ERCC1: variants seen among roughly 807,000 people sequenced by gnomAD.
ERCC1 encodes the protein ERCC excision repair 1, endonuclease non-catalytic subunit.
ERCC1 carries 36 observed loss-of-function variants against 37.6 expected under a neutral mutation model. That is an observed-to-expected ratio of 0.96 (90% CI 0.73 to 1.26). ERCC1 has a LOEUF of 1.26. Ranked by LOEUF, ERCC1 falls within the 50% of genes most tolerant of loss-of-function variation. The pLI, the probability that ERCC1 is intolerant of heterozygous loss-of-function variation, is 0.00. For missense variants in ERCC1, 349 were observed against 376.5 expected, an observed-to-expected ratio of 0.93 and a Z score of 0.60; for synonymous variants, 156 against 162.1, an observed-to-expected ratio of 0.96 and a Z score of 0.28.
In ERCC1 at chr19:45,411,525, G is replaced by A. The variant is rs114858980; in HGVS notation, c.844-1800C>T. ...AAGCCATTTTAAGGCCGGGCACCAT[G>A]GCTCACACCTGTAATCCCGGCACTT... is the stretch of plus-strand genomic sequence containing the variant. On this transcript the variant is annotated intron_variant, in intron 9 of 9. Coordinates refer to ENST00000300853, the MANE Select transcript of ERCC1 (RefSeq NM_001983.4). Among the ~76,000 whole-genome samples the A allele has an allele frequency of 7.4e-3, 1,130 of 152,178 alleles. 9 individuals are homozygous for A. Among genetic ancestry groups the A allele is most frequent in the African/African-American group, 0.026 (1,069 of 41,528 alleles).
chr19:45,442,234 C>T (rs1299946219), intron 1 of ERCC1, among the ~76,000 whole-genome samples: 8 of 149,508 alleles, frequency 5.4e-5, no homozygotes, highest in Non-Finnish European at 8.9e-5. Context: ...GTGGGAGGAT[C>T]GGTTGAGCCC....
intron 1 of ERCC1, among the ~76,000 whole-genome samples, chr19:45,434,711 G>A (rs373849786): frequency 6.6e-6 from 1 of 151,868 alleles, no homozygotes; most frequent in Admixed American, 6.6e-5. Context: ...TCAGCCTCCC[G>A]AGCAGCTGGG....
At chr19:45,421,068 TG>T in intron 3 of ERCC1, 109 bp downstream of exon 3, 1 of 867,236 alleles carries the variant, frequency 1.2e-6, no homozygotes, top group Non-Finnish European at 1.9e-6. Flanking sequence ...AATGAATGAA[TG>T]GGGAGAACAA....
At chr19:45,450,381 A>G (rs1244267464) in intron 1 of ERCC1, among the ~76,000 whole-genome samples, 1 of 152,236 alleles carries the variant, frequency 6.6e-6, no homozygotes, top group Non-Finnish European at 1.5e-5. Flanking sequence ...TTCATGAGCC[A>G]GGGAAGGAAC....
chr19:45,414,715 C>G lies in ERCC1; in HGVS notation c.702+146G>C. ...AGCAGCAGATTTGTGCTCAGGAAAA[C>G]CCCTCTAGCTGCAGTTTCGGTGGGA... is the stretch of plus-strand genomic sequence containing the variant. On this transcript the variant is annotated intron_variant, in intron 7 of 9. Coordinates refer to ENST00000300853, the MANE Select transcript of ERCC1 (RefSeq NM_001983.4). 5 of 651,822 alleles carry G rather than the reference C, an allele frequency of 7.7e-6. No individual in the cohort carries two copies. In the Admixed American group the frequency reaches 1.1e-4, roughly 14 times the overall value. The allele number at this position is 651,822 out of a possible 1,614,324, so 40.4% of individuals were successfully genotyped here. A position where few individuals can be genotyped will look rare whatever the true frequency, so the allele number is the denominator to read the frequency against.
chr19:45,433,081 A>AAAAT (rs1430257246), intron 1 of ERCC1, among the ~76,000 whole-genome samples: 1 of 151,596 alleles, frequency 6.6e-6, no homozygotes, highest in Non-Finnish European at 1.5e-5. Context: ...ACTCTGTCTC[A>AAAAT]AAATAAATAA....
chr19:45,445,381 G>A (rs1966912067), intron 1 of ERCC1, among the ~76,000 whole-genome samples: 2 of 152,282 alleles, frequency 1.3e-5, no homozygotes, highest in East Asian at 1.9e-4. Flanking sequence ...TGAGAATGCA[G>A]TATTGAACAA....
At chr19:45,417,089 T>A (rs1298461556) in intron 5 of ERCC1, among the ~76,000 whole-genome samples, 192 bp from the exon 6 acceptor site, 3 of 151,214 alleles carry the variant, frequency 2.0e-5, no homozygotes, top group South Asian at 2.1e-4. Context: ...AGGGTGAGAC[T>A]CTGTCTCAAA....
chr19:45,423,002 GA>G (rs1279433756), intron 2 of ERCC1, among the ~76,000 whole-genome samples: 1 of 152,126 alleles, frequency 6.6e-6, no homozygotes, highest in Non-Finnish European at 1.5e-5. Flanking sequence ...TTCATGTCTT[GA>G]AAAATCAGGG....
chr19:45,413,531 C>T lies in ERCC1; in HGVS notation c.843+146G>A. The stretch of plus-strand genomic sequence containing the variant: ...CCTCAAGCAGTCCTCCCGCCTTGGC[C>T]TCCCAAAATGTTGGGATTACAGGCG... On this transcript the variant is annotated intron_variant, in intron 9 of 9. Coordinates refer to ENST00000300853, the MANE Select transcript of ERCC1 (RefSeq NM_001983.4). The T allele has an allele frequency of 1.9e-6, 3 of 1,586,554 alleles. No individual in the cohort carries two copies. The South Asian group carries it at 3.3e-5, about 18-fold the overall frequency.
intron 4 of ERCC1, 200 bp from the exon 5 acceptor site, chr19:45,419,397 A>G: frequency 1.7e-6 from 1 of 580,842 alleles, no homozygotes; most frequent in Non-Finnish European, 3.1e-6. Flanking sequence ...CCAGGGCCAC[A>G]TGGCTGTGCT....
chr19:45,417,675 T>C (rs1974146783), intron 5 of ERCC1, among the ~76,000 whole-genome samples: 1 of 151,866 alleles, frequency 6.6e-6, no homozygotes, highest in African/African-American at 2.4e-5. Flanking sequence ...TCTCCTAGGG[T>C]GCTTAGGAGC....
intron 6 of ERCC1, among the ~76,000 whole-genome samples, chr19:45,415,337 G>GA (rs34174936): frequency 0.3 from 20,001 of 67,278 alleles, 2,599 homozygotes; most frequent in East Asian, 0.49. Flanking sequence ...CTCCATTTCA[G>GA]AAAAAAAAAA....
At chr19:45,414,253 A>G (rs1973913515) in intron 7 of ERCC1, 1 of 595,898 alleles carries the variant, frequency 1.7e-6, no homozygotes, top group East Asian at 2.9e-5. Flanking sequence ...AGGCGGGAGG[A>G]TCACCTGAGG....
intron 1 of ERCC1, among the ~76,000 whole-genome samples, chr19:45,438,026 GC>G (rs1392921363): frequency 6.6e-6 from 1 of 151,522 alleles, no homozygotes; most frequent in Non-Finnish European, 1.5e-5. Flanking sequence ...TCCTGCCTCC[GC>G]CTCCCGAGTA....
At chr19:45,413,168 A>G (rs1189678549) in intron 9 of ERCC1, among the ~76,000 whole-genome samples, 2 of 152,214 alleles carry the variant, frequency 1.3e-5, no homozygotes, top group Non-Finnish European at 2.9e-5. Context: ...GTTTTCTTGT[A>G]GACGTTTCAT....
chr19:45,425,618 C>A (rs1439815242), upstream of ERCC1, among the ~76,000 whole-genome samples: 1 of 151,860 alleles, frequency 6.6e-6, no homozygotes, highest in African/African-American at 2.4e-5. Context: ...GATCTGCCCA[C>A]CTCAGCCTCC....
At chr19:45,410,011 C>T (rs1456026378) in intron 9 of ERCC1, 3 of 166,368 alleles carry the variant, frequency 1.8e-5, no homozygotes, top group Non-Finnish European at 2.5e-5. Flanking sequence ...CCTGCCTCAG[C>T]CTCCTGAGTA....
chr19:45,435,115 C>T (rs1974941729), intron 1 of ERCC1, among the ~76,000 whole-genome samples: 2 of 151,942 alleles, frequency 1.3e-5, no homozygotes, highest in Non-Finnish European at 2.9e-5. Flanking sequence ...GACGGGGTTT[C>T]CCCATGTTGG....
Sources: allele counts gnomAD v4.1 joint callset (sites outside exome capture counted in the v4.1 genomes callset), GRCh38; gene constraint gnomAD v4.1.1; transcripts MANE v1.5; gene names NCBI Gene and HGNC (gene_info 2026-07-23, HGNC 2026-07-21).